Variants in DCC observed in about 807,000 individuals in gnomAD.
The protein encoded by DCC is netrin receptor DCC.
A neutral mutation model predicts 172.5 loss-of-function variants in DCC; 58 were observed. The ratio of observed to expected loss-of-function variants is 0.34; its 90% CI spans 0.27 to 0.42. The LOEUF is 0.42. Among genes scored for constraint, DCC ranks in the 10% least tolerant of loss-of-function variants. DCC has a pLI of 1.00. For missense variants in DCC, 1,740 were observed against 1,791.0 expected (o/e 0.97, Z 0.51); for synonymous variants, 709 against 644.5 (o/e 1.10, Z -1.52).
At chr18:52,513,911 C>T (rs1334478725) in intron 1 of DCC, among the ~76,000 whole-genome samples, 1 of 152,180 alleles carries the variant, frequency 6.6e-6, no homozygotes, top group Non-Finnish European at 1.5e-5. Context: ...AGCCACAATT[C>T]CATCATGCCA....
At chr18:53,190,010 T>C (rs905023748) in intron 9 of DCC, among the ~76,000 whole-genome samples, 2 of 152,180 alleles carry the variant, frequency 1.3e-5, no homozygotes, top group African/African-American at 4.8e-5. Flanking sequence ...TACTGTAACC[T>C]CCACCTCCCA....
At chr18:52,553,150 G>T (rs775935489) in intron 1 of DCC, among the ~76,000 whole-genome samples, 2 of 152,028 alleles carry the variant, frequency 1.3e-5, no homozygotes, top group African/African-American at 4.8e-5. Flanking sequence ...GGTCACTTCT[G>T]ATTAGAGAGA....
At chr18:52,802,840 A>T (rs2038018689) in intron 2 of DCC, among the ~76,000 whole-genome samples, 1 of 151,050 alleles carries the variant, frequency 6.6e-6, no homozygotes, top group African/African-American at 2.4e-5. Flanking sequence ...CCTATTGTTG[A>T]CCAGAAACCT....
intron 12 of DCC, among the ~76,000 whole-genome samples, chr18:53,302,995 G>A (rs924918456): frequency 6.6e-6 from 1 of 152,124 alleles, no homozygotes; most frequent in Non-Finnish European, 1.5e-5. Flanking sequence ...TTTCAGACTA[G>A]AGTCTCAAGT....
intron 2 of DCC, among the ~76,000 whole-genome samples, chr18:52,859,153 T>C (rs1056951275): frequency 1.3e-5 from 2 of 151,994 alleles, no homozygotes; most frequent in African/African-American, 4.8e-5. Flanking sequence ...ATTAAAATTA[T>C]AATTTAAAAT....
intron 7 of DCC, among the ~76,000 whole-genome samples, chr18:53,132,627 C>A (rs1330277610): frequency 6.6e-6 from 1 of 152,104 alleles, no homozygotes; most frequent in East Asian, 1.9e-4. Context: ...AGCAGCAGTG[C>A]CTCATTGCTT....
chr18:52,772,992 C>T (rs559472407), intron 2 of DCC, among the ~76,000 whole-genome samples: 2 of 152,254 alleles, frequency 1.3e-5, no homozygotes, highest in African/African-American at 4.8e-5. Flanking sequence ...GGCATAGATC[C>T]TTGATGGCAG....
intron 2 of DCC, among the ~76,000 whole-genome samples, chr18:52,805,284 T>C (rs537290453): frequency 1.3e-5 from 2 of 152,326 alleles, no homozygotes; most frequent in East Asian, 3.9e-4. Flanking sequence ...AGGTGTATAT[T>C]AACAGCTGGC....
chr18:52,789,377 A>G (rs1386960343), intron 2 of DCC, among the ~76,000 whole-genome samples: 3 of 152,194 alleles, frequency 2.0e-5, no homozygotes, highest in African/African-American at 7.2e-5. Context: ...CAAAAAATGG[A>G]GAAAAATGAT....
At chr18:53,157,257 T>C in intron 7 of DCC, 99 bp from the exon 8 acceptor site, 1 of 1,408,378 alleles carries the variant, frequency 7.1e-7, no homozygotes, top group Non-Finnish European at 1.0e-6. Context: ...AAGGTGACTA[T>C]GACATGGAGA....
intron 22 of DCC, among the ~76,000 whole-genome samples, chr18:53,443,855 G>A (rs1912429357): frequency 6.6e-6 from 1 of 152,204 alleles, no homozygotes. Context: ...AAGTAAGTGT[G>A]ATCGAAATCC....
At chr18:52,832,243 T>C (rs543299908) in intron 2 of DCC, among the ~76,000 whole-genome samples, 1 of 152,188 alleles carries the variant, frequency 6.6e-6, no homozygotes, top group East Asian at 1.9e-4. Flanking sequence ...GTGGGTTTCA[T>C]AGGGGAAAGA....
chr18:53,088,122 T>C lies in DCC; in HGVS notation c.1261+21956T>C, dbSNP rs548878101. 8.0e-3 allele frequency among the ~76,000 whole-genome samples: 1,218 copies of C among 152,310 alleles called. 17 individuals carry two copies. The highest frequency in any genetic ancestry group is 0.027 in the African/African-American group (1,134 of 41,572). Reference sequence around the variant, plus strand: ...GTTCCATATGAACTTTAAAGTAGTTTTTTCCAATTCTGTGAAGAAAGTCAT... The same window carrying C: ...GTTCCATATGAACTTTAAAGTAGTTCTTTCCAATTCTGTGAAGAAAGTCAT... On this transcript the variant is annotated intron_variant, in intron 7 of 28. Coordinates refer to ENST00000442544, the MANE Select transcript of DCC (RefSeq NM_005215.4).
At chr18:52,846,344 C>G (rs111557229) in intron 2 of DCC, among the ~76,000 whole-genome samples, 5 of 151,926 alleles carry the variant, frequency 3.3e-5, no homozygotes, top group African/African-American at 1.2e-4. Context: ...GAGTTCCAGA[C>G]GAGCCCGGGC....
At chr18:52,639,144 T>C (rs1011239658) in intron 1 of DCC, among the ~76,000 whole-genome samples, 4 of 152,128 alleles carry the variant, frequency 2.6e-5, no homozygotes, top group African/African-American at 4.8e-5. Flanking sequence ...CCAAAATCTC[T>C]GTGATACAGC....
chr18:53,186,982 C>T (rs923536686), intron 9 of DCC, among the ~76,000 whole-genome samples: 10 of 152,222 alleles, frequency 6.6e-5, no homozygotes, highest in African/African-American at 2.2e-4. Flanking sequence ...CTAATCTCTT[C>T]ATGAGGGTAG....
chr18:53,203,493 G>A (rs1355023265), intron 9 of DCC, among the ~76,000 whole-genome samples: 2 of 152,154 alleles, frequency 1.3e-5, no homozygotes, highest in Non-Finnish European at 2.9e-5. Flanking sequence ...TGGGAAATAT[G>A]TGAAGGTGAC....
At chr18:53,467,755 A>G in intron 24 of DCC, 139 bp from the exon 25 acceptor site, 1 of 745,828 alleles carries the variant, frequency 1.3e-6, no homozygotes, top group Non-Finnish European at 2.5e-6. Context: ...ACAATGAAAT[A>G]GATTCAGGTA....
At chr18:52,411,009 G>A (rs79807347) in intron 1 of DCC, among the ~76,000 whole-genome samples, 2,704 of 152,124 alleles carry the variant, frequency 0.018, 79 homozygotes, top group African/African-American at 0.062. Flanking sequence ...TTTTACTTGG[G>A]TAAAGTAAGC....
Sources: gnomAD v4.1 joint callset for allele counts (sites outside exome capture counted in the v4.1 genomes callset) on GRCh38, gnomAD v4.1.1 for gene constraint, MANE v1.5 for transcripts, NCBI Gene and HGNC (gene_info 2026-07-23, HGNC 2026-07-21) for gene names.